Variants in WWP2 observed in about 807,000 individuals in gnomAD.
WWP2 encodes NEDD4-like E3 ubiquitin-protein ligase WWP2.
WWP2 carries 57 observed loss-of-function variants against 121.0 expected under a neutral mutation model. That is an observed-to-expected ratio of 0.47 (90% CI 0.38 to 0.59). WWP2 has a LOEUF of 0.59. WWP2 is among the 20% of genes least tolerant of loss of function. WWP2 has a pLI of 0.00. For synonymous variants in WWP2, 449 were observed against 441.3 expected, an observed-to-expected ratio of 1.02 and a Z score of -0.22; for missense variants, 962 against 1,158.9, an observed-to-expected ratio of 0.83 and a Z score of 2.47.
intron 3 of WWP2, 36 bp downstream of exon 3, chr16:69,798,865 A>G (rs1567672105): frequency 6.2e-7 from 1 of 1,609,562 alleles, no homozygotes; most frequent in Non-Finnish European, 8.5e-7. Context: ...ACGCAGCAAG[A>G]TGGGGAAAGA....
intron 4 of WWP2, among the ~76,000 whole-genome samples, chr16:69,811,979 G>T (rs35783119): frequency 2.0e-5 from 3 of 152,012 alleles, no homozygotes; most frequent in African/African-American, 7.3e-5. Context: ...ACAAAACTAA[G>T]AAATTTCCCG....
chr16:69,889,049 G>A (rs1261135624), intron 8 of WWP2, among the ~76,000 whole-genome samples: 1 of 152,170 alleles, frequency 6.6e-6, no homozygotes, highest in Non-Finnish European at 1.5e-5. Context: ...GGTGGCTCAC[G>A]TGCCAATCAA....
chr16:69,795,899 C>G (rs1056550382), intron 2 of WWP2, among the ~76,000 whole-genome samples: 1 of 151,844 alleles, frequency 6.6e-6, no homozygotes, highest in South Asian at 2.1e-4. Flanking sequence ...CTGCCTGCCT[C>G]GGCCTCCCAA....
intron 4 of WWP2, among the ~76,000 whole-genome samples, chr16:69,823,962 C>G (rs187252938): frequency 2.4e-4 from 36 of 152,352 alleles, no homozygotes; most frequent in Admixed American, 2.2e-3. Flanking sequence ...CATTCAGGCC[C>G]TAAATGAACA....
At position 69,824,166 on chromosome 16, in the gene WWP2, A is replaced by C. The variant is rs1281506715; in HGVS notation, c.341-15960A>C. ...CCATTCCAGCCTCCCAGGTTCTCCC[A>C]GGGGAGGTGCTGTGGCTGCCGGAAT... On this transcript the variant is annotated intron_variant, in intron 4 of 23. Transcript: ENST00000359154. 2.0e-5 allele frequency among the ~76,000 whole-genome samples: 3 copies of C among 152,340 alleles called. No individual in the cohort carries two copies. The East Asian group carries it at 5.8e-4, about 29-fold the overall frequency.
At chr16:69,782,977 T>C (rs1597657573) in intron 1 of WWP2, 2 of 151,680 alleles carry the variant, frequency 1.3e-5, no homozygotes, top group African/African-American at 2.4e-5. Flanking sequence ...CTCCTGTAAC[T>C]ATATTTAATT....
intron 2 of WWP2, among the ~76,000 whole-genome samples, chr16:69,797,206 AAAC>A (rs1354930352): frequency 5.9e-5 from 9 of 152,352 alleles, no homozygotes; most frequent in Admixed American, 3.9e-4. Flanking sequence ...TGCTGGTCCC[AAAC>A]GAACATCAGA....
At chr16:69,831,000 TGAA>T (rs2056784076) in intron 4 of WWP2, among the ~76,000 whole-genome samples, 1 of 152,100 alleles carries the variant, frequency 6.6e-6, no homozygotes, top group Non-Finnish European at 1.5e-5. Context: ...GGCCTGTTAA[TGAA>T]GTGCTGCTTA....
intron 12 of WWP2, among the ~76,000 whole-genome samples, chr16:69,929,760 C>T (rs373495757): frequency 3.9e-5 from 6 of 152,272 alleles, no homozygotes; most frequent in East Asian, 1.9e-4. Context: ...GCCCGGCTGG[C>T]GGGTGTTGCT....
At chr16:69,792,743 G>C (rs1437694143) in intron 2 of WWP2, among the ~76,000 whole-genome samples, 2 of 152,160 alleles carry the variant, frequency 1.3e-5, no homozygotes, top group African/African-American at 4.8e-5. Flanking sequence ...CTAGGCTAGA[G>C]TGCAGTGGCA....
intron 4 of WWP2, among the ~76,000 whole-genome samples, chr16:69,809,724 C>T (rs934973896): frequency 2.0e-5 from 3 of 151,604 alleles, no homozygotes; most frequent in African/African-American, 4.8e-5. Context: ...GCCGAGATTG[C>T]GCCATTGGAT....
chr16:69,830,125 T>C (rs1042405365), intron 4 of WWP2, among the ~76,000 whole-genome samples: 4 of 152,178 alleles, frequency 2.6e-5, no homozygotes, highest in Non-Finnish European at 5.9e-5. Context: ...TGGCTAGTTT[T>C]TGTATTTTTA....
rs534277194 is a variant in WWP2 at position 69,860,593 on chromosome 16, G to C, written c.576-11211G>C. Among the ~76,000 whole-genome samples, 348 of 152,348 alleles carry C rather than the reference G, an allele frequency of 2.3e-3. 1 individual carries two copies. Among genetic ancestry groups the C allele is most frequent in the Middle Eastern group, 6.8e-3 (2 of 294 alleles). ...GGGCAAGTAGATCAGCAAAGGGTCT[G>C]ACTCTCCCTTGGTAGGGGTCTAGAG... is the stretch of plus-strand genomic sequence containing the variant. On this transcript the variant is annotated intron_variant, in intron 6 of 23. Transcript: ENST00000359154.
chr16:69,866,113 A>AG lies in WWP2; in HGVS notation c.576-5686dup, dbSNP rs1488272799. ...TTTCTCTGGCGTCTTCTTGGCCAAG[A>AG]GGGGGTCCATTCAGTTGGTTGAGGA... On this transcript the variant is annotated intron_variant, in intron 6 of 23. Transcript: ENST00000359154. 2.0e-5 allele frequency among the ~76,000 whole-genome samples: 3 copies of AG among 152,142 alleles called. No individual in the cohort carries two copies. The East Asian group carries it at 5.8e-4, about 29-fold the overall frequency.
intron 4 of WWP2, among the ~76,000 whole-genome samples, chr16:69,836,046 A>T (rs370502505): frequency 2.6e-5 from 4 of 152,090 alleles, no homozygotes; most frequent in African/African-American, 9.6e-5. Flanking sequence ...CAGGTGATCC[A>T]CCCACCTCGG....
chr16:69,826,467 G>A (rs2056692254), intron 4 of WWP2, among the ~76,000 whole-genome samples: 1 of 151,422 alleles, frequency 6.6e-6, no homozygotes, highest in Non-Finnish European at 1.5e-5. Context: ...AGCTACTTGG[G>A]AGGCTGAGAC....
In WWP2 at chr16:69,798,595, A is replaced by G. The variant is rs2056096590; in HGVS notation, c.71-87A>G. 5 of 1,432,372 alleles carry G rather than the reference A, an allele frequency of 3.5e-6. No individual in the cohort carries two copies. In the East Asian group the frequency reaches 1.2e-4, roughly 33 times the overall value. The allele number at this position is 1,432,372 out of a possible 1,614,324, so 88.7% of individuals were successfully genotyped here. On this transcript the variant is annotated intron_variant, in intron 2 of 23. Transcript: ENST00000359154. ...GTATTGATTTATTTTTTAAAGCAATAACTAAAAAGAGCCGGAACATCTGCC... is the reference window on the plus strand; with the variant it reads ...GTATTGATTTATTTTTTAAAGCAATGACTAAAAAGAGCCGGAACATCTGCC...
chr16:69,939,003 G>A (rs1283080163), intron 21 of WWP2, 24 bp from the exon 22 acceptor site: 4 of 1,584,300 alleles, frequency 2.5e-6, no homozygotes, highest in Middle Eastern at 1.7e-4. Flanking sequence ...TTGCCTGACT[G>A]TGCCTTGACT....
Position 69,799,527 on chromosome 16 carries a change from C to A in WWP2, c.340+232C>A, listed in dbSNP as rs1264950779. On this transcript the variant is annotated intron_variant, in intron 4 of 23. Coordinates refer to ENST00000359154, the MANE Select transcript of WWP2 (RefSeq NM_001270454.2). This position sits in a 1 kb window ranked among gnomAD's most constrained non-coding sequence, Gnocchi z 4.5. ...TAATGTGATGCAGTGGTGTGTTGCCCTTTATCCTTCCTTAGGGACTGGAAA... is the reference window on the plus strand; with the variant it reads ...TAATGTGATGCAGTGGTGTGTTGCCATTTATCCTTCCTTAGGGACTGGAAA... 5 of 440,660 alleles carry A rather than the reference C, an allele frequency of 1.1e-5. No individual in the cohort carries two copies. The South Asian group carries it at 1.4e-4, about 12-fold the overall frequency. The allele number at this position is 440,660 out of a possible 1,614,324, so 27.3% of individuals were successfully genotyped here.
Sources: allele counts gnomAD v4.1 joint callset (sites outside exome capture counted in the v4.1 genomes callset), GRCh38; gene constraint gnomAD v4.1.1; non-coding constraint Gnocchi (gnomAD v3.1); transcripts MANE v1.5; gene names NCBI Gene and HGNC (gene_info 2026-07-23, HGNC 2026-07-21).